The following PDZRN4 variants were observed in gnomAD, a reference collection of about 807,000 sequenced individuals.
PDZRN4 encodes the protein PDZ domain-containing RING finger protein 4.
Under a neutral mutation model 99.0 loss-of-function variants are expected in PDZRN4, and 70 were observed. That is an observed-to-expected ratio of 0.71 (90% CI 0.58 to 0.86). The LOEUF is 0.86. Ranked by LOEUF, PDZRN4 falls within the 40% of genes least tolerant of loss-of-function variation. The probability of loss-of-function intolerance (pLI) is 0.00; values close to 1 mark genes in which losing one functional copy is unlikely to be tolerated. For synonymous variants in PDZRN4, 551 were observed against 501.6 expected (o/e 1.10, Z -1.32); for missense variants, 1,474 against 1,331.2 (o/e 1.11, Z -1.67).
intron 5 of PDZRN4, among the ~76,000 whole-genome samples, chr12:41,543,695 CA>C (rs1380300686): frequency 6.6e-6 from 1 of 152,084 alleles, no homozygotes; most frequent in Non-Finnish European, 1.5e-5. Context: ...TATATTGTGG[CA>C]TGATAAAGCT....
rs113537212 is a variant in PDZRN4, at chr12:41,518,941, C to T, written c.1203+9028C>T. On this transcript the variant is annotated intron_variant, in intron 5 of 9. Transcript: ENST00000402685. The stretch of plus-strand genomic sequence containing the variant: ...CCAGCCTGGGTGACAAAGCAAGACC[C>T]CCAACTCTATATAAATAAATAAAAG... Among the ~76,000 whole-genome samples, 1,358 of 151,850 alleles carry T rather than the reference C, an allele frequency of 8.9e-3. 20 individuals carry two copies. Among genetic ancestry groups the T allele is most frequent in the African/African-American group, 0.031 (1,267 of 41,340 alleles).
At chr12:41,407,191 G>A (rs1374594029) in intron 3 of PDZRN4, among the ~76,000 whole-genome samples, 1 of 152,088 alleles carries the variant, frequency 6.6e-6, no homozygotes, top group African/African-American at 2.4e-5. Flanking sequence ...ATCCACTTGG[G>A]GATAATACTG....
chr12:41,539,375 T>C (rs1295369055), intron 5 of PDZRN4, among the ~76,000 whole-genome samples: 1 of 152,140 alleles, frequency 6.6e-6, no homozygotes, highest in East Asian at 1.9e-4. Flanking sequence ...CAGTTTAATT[T>C]ATTTGATTAG....
At chr12:41,546,044 A>C (rs182501940) in intron 5 of PDZRN4, among the ~76,000 whole-genome samples, 2 of 152,314 alleles carry the variant, frequency 1.3e-5, no homozygotes, top group Admixed American at 1.3e-4. Context: ...TTCCTTTAGC[A>C]TGTGAAACAG....
chr12:41,473,188 A>C (rs1457882876), intron 3 of PDZRN4, among the ~76,000 whole-genome samples: 1 of 152,174 alleles, frequency 6.6e-6, no homozygotes, highest in East Asian at 1.9e-4. Flanking sequence ...AAAAGTGATC[A>C]CAAATTGGCA....
chr12:41,358,727 G>A (rs190978114), intron 3 of PDZRN4, among the ~76,000 whole-genome samples: 1 of 151,908 alleles, frequency 6.6e-6, no homozygotes, highest in East Asian at 1.9e-4. Flanking sequence ...TTCCTTTGAC[G>A]CTAAAGCACA....
intron 3 of PDZRN4, chr12:41,459,929 G>GA (rs1476780120): frequency 6.3e-6 from 8 of 1,261,868 alleles, no homozygotes; most frequent in African/African-American, 6.3e-5. Context: ...GACTGAAGGA[G>GA]AAAAAATGAC....
intron 3 of PDZRN4, chr12:41,459,882 A>G: frequency 8.5e-7 from 1 of 1,176,650 alleles, no homozygotes; most frequent in Non-Finnish European, 1.1e-6. Context: ...TTTAAAAAAA[A>G]TGAAAACTTC....
chr12:41,352,480 C>T (rs1951897409), intron 3 of PDZRN4, among the ~76,000 whole-genome samples: 1 of 152,024 alleles, frequency 6.6e-6, no homozygotes. Flanking sequence ...CATTTCTGCC[C>T]CTGGTGAACT....
At chr12:41,269,869 C>A (rs896307616) in intron 3 of PDZRN4, among the ~76,000 whole-genome samples, 4 of 152,120 alleles carry the variant, frequency 2.6e-5, no homozygotes, top group African/African-American at 9.7e-5. Context: ...AAAGTCAACA[C>A]CAGGTTTTAA....
chr12:41,540,037 G>A (rs1460135269), intron 5 of PDZRN4, among the ~76,000 whole-genome samples: 2 of 152,104 alleles, frequency 1.3e-5, no homozygotes. Context: ...GCTCTAAAAA[G>A]AAGGAATAGA....
intron 9 of PDZRN4, among the ~76,000 whole-genome samples, chr12:41,570,265 A>G (rs1939450528): frequency 6.6e-6 from 1 of 152,224 alleles, no homozygotes. Context: ...ATAATACTAC[A>G]TTAGAAATGT....
At chr12:41,396,307 G>A (rs948540202) in intron 3 of PDZRN4, among the ~76,000 whole-genome samples, 9 of 152,084 alleles carry the variant, frequency 5.9e-5, no homozygotes, top group African/African-American at 1.9e-4. Context: ...CCATAAGACA[G>A]TTTCTTCAAG....
rs926530837 is a variant in PDZRN4, at chr12:41,500,423, C to T, written c.844-6033C>T. Among the ~76,000 whole-genome samples, 4 of 152,050 alleles carry T rather than the reference C, an allele frequency of 2.6e-5. 1 individual carries two copies. The highest frequency in any genetic ancestry group is 5.9e-5 in the Non-Finnish European group (4 of 67,994). ...TGTCACATGGAATAATCACCATATT[C>T]TCTTCCAAAAATCCAATTATAGCAC... On this transcript the variant is annotated intron_variant, in intron 3 of 9. Transcript: ENST00000402685.
chr12:41,252,176 C>A (rs993678538), intron 3 of PDZRN4, among the ~76,000 whole-genome samples: 1 of 151,962 alleles, frequency 6.6e-6, no homozygotes, highest in East Asian at 1.9e-4. Flanking sequence ...ACAATGGAAA[C>A]CTTTGGCAAT....
chr12:41,444,465 A>G (rs1744758427), intron 3 of PDZRN4, among the ~76,000 whole-genome samples: 1 of 152,126 alleles, frequency 6.6e-6, no homozygotes, highest in South Asian at 2.1e-4. Flanking sequence ...CACAAAGGGA[A>G]CACTCCTTAG....
intron 3 of PDZRN4, among the ~76,000 whole-genome samples, chr12:41,221,569 C>T (rs142290824): frequency 6.6e-6 from 1 of 151,904 alleles, no homozygotes; most frequent in Non-Finnish European, 1.5e-5. Flanking sequence ...AGGAAATGAA[C>T]TCAGGAAAGA....
chr12:41,250,199 T>C, intron 3 of PDZRN4, among the ~76,000 whole-genome samples: 1 of 152,228 alleles, frequency 6.6e-6, no homozygotes, highest in East Asian at 1.9e-4. Context: ...AACTAGTCTG[T>C]ACTTCTGGTT....
chr12:41,562,808 A>G (rs1379708951), intron 7 of PDZRN4, among the ~76,000 whole-genome samples: 1 of 152,138 alleles, frequency 6.6e-6, no homozygotes, highest in African/African-American at 2.4e-5. Context: ...AGTTTAGTCA[A>G]GCTTGGTTTC....
Sources: allele counts gnomAD v4.1 joint callset (sites outside exome capture counted in the v4.1 genomes callset), GRCh38; gene constraint gnomAD v4.1.1; transcripts MANE v1.5; gene names NCBI Gene and HGNC (gene_info 2026-07-23, HGNC 2026-07-21).